Variants in ZNF343 observed in about 807,000 individuals in gnomAD.
ZNF343 encodes the protein zinc finger protein 343.
In ZNF343, 11 loss-of-function variants were observed where a neutral mutation model predicts 13.8. That is an observed-to-expected ratio of 0.80 (90% CI 0.50 to 1.32). The LOEUF (loss-of-function observed/expected upper bound fraction) is 1.32, where lower values mean the gene tolerates loss of function less well. ZNF343 is among the 40% of genes most tolerant of loss of function. The probability of loss-of-function intolerance (pLI) is 0.00; values close to 1 mark genes in which losing one functional copy is unlikely to be tolerated. For missense variants in ZNF343, 658 were observed against 714.2 expected (o/e 0.92, Z 0.90); for synonymous variants, 248 against 260.0 (o/e 0.95, Z 0.44).
At chr20:2,488,519 T>C (rs2085316760) in intron 5 of ZNF343, among the ~76,000 whole-genome samples, 1 of 152,132 alleles carries the variant, frequency 6.6e-6, no homozygotes, top group African/African-American at 2.4e-5. Context: ...ATTTTCTCCT[T>C]GCAGCTTCAA....
upstream of ZNF343, among the ~76,000 whole-genome samples, chr20:2,510,736 T>C (rs995167599): frequency 2.0e-5 from 3 of 152,172 alleles, no homozygotes; most frequent in Non-Finnish European, 2.9e-5. Flanking sequence ...AGAAAACCAA[T>C]CACTGAGACG....
At chr20:2,513,111 T>C (rs1268401269), upstream of ZNF343, among the ~76,000 whole-genome samples, 1 of 151,716 alleles carries the variant, frequency 6.6e-6, no homozygotes, top group African/African-American at 2.4e-5. Flanking sequence ...AAAAAGAAAT[T>C]GGAATTTATC....
chr20:2,494,968 A>C (rs2085433887), intron 2 of ZNF343, among the ~76,000 whole-genome samples: 1 of 152,184 alleles, frequency 6.6e-6, no homozygotes, highest in South Asian at 2.1e-4. Flanking sequence ...GGCCCAAGTC[A>C]AAGTCCTACA....
intron 1 of ZNF343, among the ~76,000 whole-genome samples, chr20:2,503,471 T>C (rs1271995978): frequency 6.6e-6 from 1 of 152,216 alleles, no homozygotes; most frequent in Admixed American, 6.5e-5. Flanking sequence ...AATAGACATC[T>C]ACAGAACTCT....
chr20:2,523,450 T>G (rs2085791089), intron 1 of ZNF343, among the ~76,000 whole-genome samples: 1 of 152,104 alleles, frequency 6.6e-6, no homozygotes, highest in South Asian at 2.1e-4. Flanking sequence ...GGGAATTCTT[T>G]CCTTTTTTTT....
chr20:2,516,566 T>A (rs1434318994), intron 1 of ZNF343, among the ~76,000 whole-genome samples: 2 of 151,454 alleles, frequency 1.3e-5, no homozygotes. Context: ...AAACTCAGAG[T>A]GAGGATGAGT....
intron 4 of ZNF343, chr20:2,493,078 G>T (rs1367422725): frequency 1.9e-6 from 1 of 523,282 alleles, no homozygotes; most frequent in East Asian, 3.5e-5. Flanking sequence ...GAAATGATTT[G>T]TGAATTAATT....
At chr20:2,520,931 G>A (rs907373657) in intron 1 of ZNF343, among the ~76,000 whole-genome samples, 4 of 152,234 alleles carry the variant, frequency 2.6e-5, no homozygotes, top group Admixed American at 6.5e-5. Flanking sequence ...GCAAGGGGAG[G>A]GGACTTAGCT....
chr20:2,524,955 CCCCCTCTCCGGAGTCGAATGGAAT>C (rs2085798838), upstream of ZNF343, among the ~76,000 whole-genome samples: 1 of 152,224 alleles, frequency 6.6e-6, no homozygotes, highest in Non-Finnish European at 1.5e-5. Context: ...AAAGCGGAGT[CCCCCTCTCCGGAGTCGAATGGAAT>C]CCCCGCTTCC....
At chr20:2,500,921 G>C (rs2085552452) in intron 1 of ZNF343, among the ~76,000 whole-genome samples, 179 bp from the exon 2 acceptor site, 1 of 152,216 alleles carries the variant, frequency 6.6e-6, no homozygotes, top group South Asian at 2.1e-4. Context: ...TTCCAACTGA[G>C]GTACCGGGTT....
intron 1 of ZNF343, among the ~76,000 whole-genome samples, chr20:2,522,425 C>T (rs6106895): frequency 0.12 from 17,808 of 152,158 alleles, 1,072 homozygotes; most frequent in East Asian, 0.16. Flanking sequence ...TTGGAGTTAC[C>T]TTAGACGTGA....
intron 1 of ZNF343, among the ~76,000 whole-genome samples, chr20:2,522,002 G>T (rs1208717209): frequency 1.3e-5 from 2 of 152,186 alleles, no homozygotes; most frequent in African/African-American, 4.8e-5. Flanking sequence ...TGTTTAAAAT[G>T]AATAAGTTAT....
At chr20:2,497,157 T>C (rs1258572713) in intron 2 of ZNF343, among the ~76,000 whole-genome samples, 1 of 152,122 alleles carries the variant, frequency 6.6e-6, no homozygotes, top group Non-Finnish European at 1.5e-5. Context: ...GAACAAAGTT[T>C]GATGTTTGAG....
upstream of ZNF343, among the ~76,000 whole-genome samples, chr20:2,513,116 T>C (rs957358370): frequency 4.0e-5 from 6 of 151,860 alleles, no homozygotes; most frequent in Admixed American, 2.6e-4. Flanking sequence ...GAAATTGGAA[T>C]TTATCAAAAT....
intron 1 of ZNF343, among the ~76,000 whole-genome samples, chr20:2,514,489 A>T (rs1480258435): frequency 6.6e-6 from 1 of 152,260 alleles, no homozygotes; most frequent in Non-Finnish European, 1.5e-5. Context: ...ATAAGCAATT[A>T]TAGTGAATCA....
chr20:2,523,623 T>G (rs1473337138), intron 1 of ZNF343, among the ~76,000 whole-genome samples: 1 of 151,800 alleles, frequency 6.6e-6, no homozygotes, highest in African/African-American at 2.4e-5. Context: ...AGAAGTTGAC[T>G]TGAAGTTGCA....
chr20:2,516,911 T>G (rs1216515909), intron 1 of ZNF343, among the ~76,000 whole-genome samples: 1 of 152,136 alleles, frequency 6.6e-6, no homozygotes, highest in Non-Finnish European at 1.5e-5. Context: ...GAGTTGACAT[T>G]GAGGATGTCC....
In ZNF343 at chr20:2,481,935, T is replaced by G. The variant is rs570095722; in HGVS notation, c.*1226A>C. 9.2e-5 allele frequency: 14 copies of G among 151,788 alleles called. No homozygotes were observed. Among genetic ancestry groups the G allele is most frequent in the African/African-American group, 3.4e-4 (14 of 41,358 alleles). The allele number at this position is 151,788 out of a possible 1,614,324, so 9.4% of individuals were successfully genotyped here. A position where few individuals can be genotyped will look rare whatever the true frequency, so the allele number is the denominator to read the frequency against. On this transcript the variant is annotated 3_prime_UTR_variant, in exon 6 of 6. Coordinates refer to ENST00000278772, the MANE Select transcript of ZNF343 (RefSeq NM_024325.6). ...CTCACATACAGAGTACATGGGGGAG[T>G]CAAGACATTTCCTGAAAATCCCTCA...
rs755518216 is a variant in ZNF343, at chr20:2,484,394, G to C, written c.567C>G (p.Thr189=). 6.2e-7 allele frequency: 1 copy of C among 1,614,156 alleles called. No individual in the cohort carries two copies. Among genetic ancestry groups the C allele is most frequent in the Non-Finnish European group, 8.5e-7 (1 of 1,180,030 alleles). ...PWSARTEERE[T]SRAFPSPLQR... ...GGAGTGGGCTGGGGAATGCCCTTGA[G>C]GTTTCTCTCTCCTCTGTCCTTGCAG... The change falls in exon 6 of 6, where the codon ACC becomes ACG. Residue 189 remains threonine, a synonymous_variant. Coordinates refer to ENST00000278772, the MANE Select transcript of ZNF343 (RefSeq NM_024325.6).
Sources: allele counts gnomAD v4.1 joint callset (sites outside exome capture counted in the v4.1 genomes callset), GRCh38; gene constraint gnomAD v4.1.1; transcripts MANE v1.5; gene names NCBI Gene and HGNC (gene_info 2026-07-23, HGNC 2026-07-21).